The following MSH3 variants were observed in gnomAD, a reference collection of about 807,000 sequenced individuals.
The protein encoded by MSH3 is mutS homolog 3, also known as DNA mismatch repair protein Msh3.
In MSH3, 106 loss-of-function variants were observed where a neutral mutation model predicts 123.3. The ratio of observed to expected loss-of-function variants is 0.86; its 90% CI spans 0.73 to 1.01. The LOEUF is 1.01. Ranked by LOEUF, MSH3 falls within the 50% of genes least tolerant of loss-of-function variation. The pLI is 0.00. For synonymous variants in MSH3, 515 were observed against 481.4 expected, an observed-to-expected ratio of 1.07 and a Z score of -0.91; for missense variants, 1,459 against 1,347.6, an observed-to-expected ratio of 1.08 and a Z score of -1.29.
At chr5:80,658,258 CA>C (rs1749339562) in intron 2 of MSH3, among the ~76,000 whole-genome samples, 1 of 84,138 alleles carries the variant, frequency 1.2e-5, no homozygotes, top group Non-Finnish European at 2.7e-5. Flanking sequence ...AGAGTTTTGC[CA>C]TGTTGGCTAG....
chr5:80,665,350 AAATT>A lies in MSH3; in HGVS notation c.570_573del (p.Asn191LysfsTer41). The A allele has an allele frequency of 6.2e-7, 1 of 1,611,446 alleles. No homozygotes were observed. Among genetic ancestry groups the A allele is most frequent in the South Asian group, 1.1e-5 (1 of 90,932 alleles). On this transcript the variant is annotated frameshift_variant, in exon 3 of 24. Coordinates refer to ENST00000265081, the MANE Select transcript of MSH3 (RefSeq NM_002439.5). LOFTEE classifies it high-confidence loss of function. ...GTTTCTTCTGAAGATTCGAAACGTC[AAATT>A]AATCAAAAGGTATGTAACTGCTATA...
At chr5:80,806,632 A>C (rs1475437226) in intron 19 of MSH3, among the ~76,000 whole-genome samples, 2 of 152,194 alleles carry the variant, frequency 1.3e-5, no homozygotes, top group East Asian at 3.9e-4. Flanking sequence ...ATAGCATTAT[A>C]ATAACTTTTT....
At chr5:80,788,440 CA>C (rs796750519) in intron 18 of MSH3, among the ~76,000 whole-genome samples, 8 of 147,134 alleles carry the variant, frequency 5.4e-5, no homozygotes, top group Admixed American at 6.8e-5. Context: ...GACTCTGTCT[CA>C]AAAAAAAAAA....
In MSH3 at chr5:80,728,957, C is replaced by T. The variant is rs1580589454; in HGVS notation, c.1560C>T (p.Ser520=). The T allele has an allele frequency of 6.4e-7, 1 of 1,570,078 alleles. No individual in the cohort carries two copies. The highest frequency in any genetic ancestry group is 8.8e-7 in the Non-Finnish European group (1 of 1,140,254). ...AATTCAACTTGGAAAAGATGCTCTC[C>T]AAACCTGAGTAAGTGATTCCTCCAA... is the stretch of plus-strand genomic sequence containing the variant. ...LKEFNLEKML[S]KPENFKQLSS... is the part of the protein sequence containing the mutation. Residue 520 remains serine, a synonymous_variant, in exon 10 of 24, where the codon TCC becomes TCT. Coordinates refer to ENST00000265081, the MANE Select transcript of MSH3 (RefSeq NM_002439.5).
chr5:80,714,090 C>G (rs1750907839), intron 8 of MSH3, among the ~76,000 whole-genome samples: 1 of 146,184 alleles, frequency 6.8e-6, no homozygotes, highest in Non-Finnish European at 1.5e-5. Context: ...TGACAGAATT[C>G]TGGTAGGATG....
intron 8 of MSH3, among the ~76,000 whole-genome samples, chr5:80,682,934 A>T (rs1162233442): frequency 6.6e-6 from 1 of 152,092 alleles, no homozygotes; most frequent in Non-Finnish European, 1.5e-5. Context: ...TTTAGCTCCC[A>T]CAAGTAGGTG....
At position 80,747,028 on chromosome 5, in the gene MSH3, A is replaced by T. The variant is rs562125444; in HGVS notation, c.1763+2413A>T. Among the ~76,000 whole-genome samples the T allele has an allele frequency of 2.0e-5, 3 of 152,318 alleles. No homozygotes were observed. The South Asian group carries it at 6.2e-4, about 32-fold the overall frequency. On this transcript the variant is annotated intron_variant, in intron 12 of 23. Coordinates refer to ENST00000265081, the MANE Select transcript of MSH3 (RefSeq NM_002439.5). ...GGGAAACTGATGAGGTAAAGAAGAA[A>T]TCCTGAAAATGGAAATATCTTCTTT...
At chr5:80,724,974 G>A (rs1177647380) in intron 8 of MSH3, among the ~76,000 whole-genome samples, 1 of 152,098 alleles carries the variant, frequency 6.6e-6, no homozygotes, top group African/African-American at 2.4e-5. Flanking sequence ...CAGCACTTTG[G>A]GAGGCCGAGG....
At chr5:80,749,835 G>C (rs1220480019) in intron 12 of MSH3, among the ~76,000 whole-genome samples, 2 of 151,874 alleles carry the variant, frequency 1.3e-5, no homozygotes, top group Admixed American at 6.6e-5. Flanking sequence ...CCAAAACTTT[G>C]CACCAGTTGA....
intron 8 of MSH3, among the ~76,000 whole-genome samples, chr5:80,692,360 A>G (rs535387982): frequency 3.4e-5 from 2 of 59,446 alleles, no homozygotes; most frequent in South Asian, 1.2e-3. Flanking sequence ...GTTTAGATAG[A>G]TAAACATGTA....
intron 17 of MSH3, among the ~76,000 whole-genome samples, chr5:80,783,241 T>C (rs964059186): frequency 6.6e-6 from 1 of 152,212 alleles, no homozygotes; most frequent in African/African-American, 2.4e-5. Context: ...TAAATCATAG[T>C]GCCTTGACTT....
At chr5:80,864,598 A>G (rs1237859827) in intron 21 of MSH3, among the ~76,000 whole-genome samples, 1 of 152,164 alleles carries the variant, frequency 6.6e-6, no homozygotes, top group Non-Finnish European at 1.5e-5. Context: ...GGTTCAGGAA[A>G]AAATGTCTGT....
At chr5:80,742,530 G>T (rs1743635726) in intron 11 of MSH3, among the ~76,000 whole-genome samples, 1 of 152,170 alleles carries the variant, frequency 6.6e-6, no homozygotes, top group South Asian at 2.1e-4. Context: ...TGAGTCAAAG[G>T]AGTTAAAACT....
At chr5:80,733,607 A>G (rs1043829207) in intron 10 of MSH3, among the ~76,000 whole-genome samples, 6 of 151,798 alleles carry the variant, frequency 4.0e-5, no homozygotes, top group African/African-American at 1.2e-4. Flanking sequence ...ATATATATAT[A>G]TATATAAACT....
intron 13 of MSH3, among the ~76,000 whole-genome samples, chr5:80,763,648 A>C (rs1744079142): frequency 6.6e-6 from 1 of 152,214 alleles, no homozygotes; most frequent in Non-Finnish European, 1.5e-5. Flanking sequence ...AAACAGAAGC[A>C]AAGCTGAAAA....
At chr5:80,808,883 A>AT (rs1561485254) in intron 19 of MSH3, among the ~76,000 whole-genome samples, 24 of 130,692 alleles carry the variant, frequency 1.8e-4, no homozygotes, top group South Asian at 4.6e-4. Context: ...ATATATATAT[A>AT]CACAATCTAA....
chr5:80,846,586 TG>T (rs553073308), intron 20 of MSH3, among the ~76,000 whole-genome samples: 1 of 152,302 alleles, frequency 6.6e-6, no homozygotes, highest in Non-Finnish European at 1.5e-5. Flanking sequence ...CAGGCCACTT[TG>T]TTTACACTGT....
rs758042902 is a variant in MSH3, at chr5:80,725,616, TA to T, written c.1453+54del. 4.6e-5 allele frequency: 58 copies of T among 1,257,492 alleles called. No homozygotes were observed. The South Asian group carries it at 6.1e-4, about 13-fold the overall frequency. 77.9% of individuals were successfully genotyped at this position (1,257,492 alleles called of 1,614,324 possible). ...AAGTTGAACTGATTTGAAATTTGGA[TA>T]AAGGTATTAGTATGATTCTCAATTT... is the stretch of plus-strand genomic sequence containing the variant. On this transcript the variant is annotated intron_variant, in intron 9 of 23. Coordinates refer to ENST00000265081, the MANE Select transcript of MSH3 (RefSeq NM_002439.5).
chr5:80,711,835 G>A (rs1190376768), intron 8 of MSH3, among the ~76,000 whole-genome samples: 1 of 151,864 alleles, frequency 6.6e-6, no homozygotes, highest in African/African-American at 2.4e-5. Flanking sequence ...TGTATTTTTA[G>A]TAGAGACAGG....
Sources: gnomAD v4.1 joint callset for allele counts (sites outside exome capture counted in the v4.1 genomes callset) on GRCh38, gnomAD v4.1.1 for gene constraint, MANE v1.5 for transcripts, NCBI Gene and HGNC (gene_info 2026-07-23, HGNC 2026-07-21) for gene names.